PLA2G4A: variants seen among roughly 807,000 people sequenced by gnomAD.
PLA2G4A encodes the protein phospholipase A2 group IVA, also known as cytosolic phospholipase A2.
PLA2G4A carries 40 observed loss-of-function variants against 81.9 expected under a neutral mutation model. The observed-to-expected ratio is 0.49, with a 90% CI of 0.38 to 0.64. PLA2G4A has a LOEUF of 0.64. Among genes scored for constraint, PLA2G4A ranks in the 30% least tolerant of loss-of-function variants. PLA2G4A has a pLI of 0.00. For missense variants in PLA2G4A, 715 were observed against 905.1 expected, an observed-to-expected ratio of 0.79 and a Z score of 2.69; for synonymous variants, 302 against 296.9, an observed-to-expected ratio of 1.02 and a Z score of -0.18.
chr1:186,902,579 A>G (rs1238743192), intron 5 of PLA2G4A, among the ~76,000 whole-genome samples: 1 of 152,152 alleles, frequency 6.6e-6, no homozygotes, highest in Non-Finnish European at 1.5e-5. Flanking sequence ...GTACACATCC[A>G]GGTAGCCTGA....
intron 6 of PLA2G4A, among the ~76,000 whole-genome samples, chr1:186,909,711 G>A (rs1043626907): frequency 3.4e-5 from 5 of 147,502 alleles, no homozygotes; most frequent in South Asian, 2.1e-4. Flanking sequence ...CTTTTCCCCC[G>A]TTACATGATT....
At chr1:186,980,780 T>G (rs1306850250) in intron 17 of PLA2G4A, among the ~76,000 whole-genome samples, 3 of 151,144 alleles carry the variant, frequency 2.0e-5, no homozygotes, top group Non-Finnish European at 4.4e-5. Context: ...CTTTAATTTT[T>G]GTAAATGTGT....
chr1:186,861,889 A>G (rs1299286050), intron 2 of PLA2G4A, among the ~76,000 whole-genome samples: 4 of 152,008 alleles, frequency 2.6e-5, no homozygotes, highest in Admixed American at 2.0e-4. Flanking sequence ...TCCCCATTGA[A>G]GGCTGTGTGC....
intron 5 of PLA2G4A, among the ~76,000 whole-genome samples, chr1:186,904,346 A>G (rs145174550): frequency 1.6e-3 from 250 of 152,370 alleles, no homozygotes; most frequent in African/African-American, 5.7e-3. Flanking sequence ...TAATACAAGC[A>G]GCATGGAAGC....
At chr1:186,923,688 A>G (rs566983151) in intron 7 of PLA2G4A, among the ~76,000 whole-genome samples, 3 of 152,340 alleles carry the variant, frequency 2.0e-5, no homozygotes, top group Admixed American at 2.0e-4. Context: ...TTAGAGTTGA[A>G]GACTGTTGGC....
At chr1:186,886,425 T>A (rs1359976281) in intron 3 of PLA2G4A, among the ~76,000 whole-genome samples, 26 of 152,148 alleles carry the variant, frequency 1.7e-4, no homozygotes, top group Admixed American at 1.7e-3. Flanking sequence ...TCAACCAGCT[T>A]AGTACATGGG....
At chr1:186,915,239 C>G (rs1349242625) in intron 7 of PLA2G4A, among the ~76,000 whole-genome samples, 2 of 152,140 alleles carry the variant, frequency 1.3e-5, no homozygotes, top group South Asian at 4.1e-4. Context: ...AAATTTCCCA[C>G]AGACCCCTCC....
intron 6 of PLA2G4A, among the ~76,000 whole-genome samples, chr1:186,907,918 T>C (rs543144725): frequency 5.3e-5 from 8 of 152,332 alleles, no homozygotes; most frequent in Non-Finnish European, 1.0e-4. Flanking sequence ...TGCTTAAAAG[T>C]GGTATATTTT....
At chr1:186,949,379 G>C (rs1377081785) in intron 12 of PLA2G4A, among the ~76,000 whole-genome samples, 1 of 9,712 alleles carries the variant, frequency 1.0e-4, no homozygotes, top group African/African-American at 1.1e-3. Context: ...AGAAAAGAAA[G>C]AAAGAAAGAA....
intron 15 of PLA2G4A, among the ~76,000 whole-genome samples, chr1:186,975,659 T>A (rs1657505781): frequency 6.6e-6 from 1 of 152,238 alleles, no homozygotes; most frequent in African/African-American, 2.4e-5. Flanking sequence ...GGGAGCCTGC[T>A]ATGTCAGGGA....
At chr1:186,842,982 A>T (rs1037378723) in intron 1 of PLA2G4A, among the ~76,000 whole-genome samples, 2 of 152,204 alleles carry the variant, frequency 1.3e-5, no homozygotes, top group African/African-American at 4.8e-5. Context: ...TGAAAAAATG[A>T]CATAGAAAGG....
intron 15 of PLA2G4A, among the ~76,000 whole-genome samples, chr1:186,976,696 T>C (rs1157154500): frequency 6.6e-6 from 1 of 152,192 alleles, no homozygotes; most frequent in Non-Finnish European, 1.5e-5. Flanking sequence ...AAGATGCACA[T>C]AATGGAAATG....
intron 10 of PLA2G4A, among the ~76,000 whole-genome samples, chr1:186,945,469 A>G (rs772999322): frequency 6.6e-6 from 1 of 152,180 alleles, no homozygotes; most frequent in African/African-American, 2.4e-5. Flanking sequence ...TATCAAAAAG[A>G]TAATAAGTGA....
intron 10 of PLA2G4A, among the ~76,000 whole-genome samples, chr1:186,941,550 C>T (rs1045827077): frequency 2.0e-5 from 3 of 152,202 alleles, no homozygotes; most frequent in Non-Finnish European, 4.4e-5. Flanking sequence ...AAACGAAAAC[C>T]TCATAAAGAT....
At chr1:186,859,233 C>T (rs1326063383) in intron 2 of PLA2G4A, among the ~76,000 whole-genome samples, 2 of 152,088 alleles carry the variant, frequency 1.3e-5, no homozygotes, top group Non-Finnish European at 2.9e-5. Context: ...AGCTCTCTTG[C>T]TTCCAATGGT....
chr1:186,914,877 C>T (rs1160689349), intron 7 of PLA2G4A, among the ~76,000 whole-genome samples: 2 of 152,156 alleles, frequency 1.3e-5, no homozygotes, highest in Non-Finnish European at 2.9e-5. Flanking sequence ...TGGGAGTTCT[C>T]ACTTTCATTT....
intron 7 of PLA2G4A, among the ~76,000 whole-genome samples, chr1:186,931,011 C>T (rs914367345): frequency 6.6e-6 from 1 of 152,104 alleles, no homozygotes; most frequent in African/African-American, 2.4e-5. Flanking sequence ...CCTCTTCATT[C>T]TAACTTTATA....
At chr1:186,874,663 G>A (rs1398349883) in intron 3 of PLA2G4A, among the ~76,000 whole-genome samples, 1 of 152,014 alleles carries the variant, frequency 6.6e-6, no homozygotes, top group African/African-American at 2.4e-5. Flanking sequence ...AACAGGTGTA[G>A]GATTGCAGGT....
chr1:186,849,685 AATT>A (rs1240809920), intron 1 of PLA2G4A, among the ~76,000 whole-genome samples: 1 of 152,010 alleles, frequency 6.6e-6, no homozygotes, highest in Non-Finnish European at 1.5e-5. Context: ...GCTCACCCTC[AATT>A]ATTCTTTGTT....
Sources: allele counts gnomAD v4.1 joint callset (sites outside exome capture counted in the v4.1 genomes callset), GRCh38; gene constraint gnomAD v4.1.1; transcripts MANE v1.5; gene names NCBI Gene and HGNC (gene_info 2026-07-23, HGNC 2026-07-21).